The following LRRTM4 variants were observed in gnomAD, a reference collection of about 807,000 sequenced individuals.
The protein encoded by LRRTM4 is leucine-rich repeat transmembrane neuronal protein 4.
Under a neutral mutation model 47.6 loss-of-function variants are expected in LRRTM4, and 25 were observed. The ratio of observed to expected loss-of-function variants is 0.53; its 90% CI spans 0.38 to 0.73. The LOEUF is 0.73. LRRTM4 is among the 30% of genes least tolerant of loss of function. The probability of loss-of-function intolerance (pLI) is 0.00; values close to 1 mark genes in which losing one functional copy is unlikely to be tolerated. For missense variants in LRRTM4, 638 were observed against 713.4 expected (o/e 0.89, Z 1.20); for synonymous variants, 311 against 269.5 (o/e 1.15, Z -1.51).
intron 3 of LRRTM4, among the ~76,000 whole-genome samples, chr2:76,865,502 AT>A (rs1387014114): frequency 6.6e-6 from 1 of 152,164 alleles, no homozygotes; most frequent in African/African-American, 2.4e-5. Context: ...TATCCTCATC[AT>A]TTTATCAGAG....
chr2:77,132,145 C>T lies in LRRTM4; in HGVS notation c.1552-383229G>A, dbSNP rs191428026. Reference sequence around the variant, plus strand: ...CATGAACTCTTTATTCCTTCCTCAACCCATACAGTCTTTCCAGCCTCTGGT... The same window carrying T: ...CATGAACTCTTTATTCCTTCCTCAATCCATACAGTCTTTCCAGCCTCTGGT... On this transcript the variant is annotated intron_variant, in intron 3 of 3. Transcript: ENST00000409884. 7.9e-4 allele frequency among the ~76,000 whole-genome samples: 121 copies of T among 152,262 alleles called. 4 individuals are homozygous for T. Among genetic ancestry groups the T allele is most frequent in the South Asian group, 7.7e-3 (37 of 4,822 alleles).
intron 3 of LRRTM4, among the ~76,000 whole-genome samples, chr2:77,157,293 G>A (rs1672585607): frequency 6.6e-6 from 1 of 152,072 alleles, no homozygotes; most frequent in Non-Finnish European, 1.5e-5. Flanking sequence ...GTAATTATGA[G>A]GAGGGGAATC....
intron 3 of LRRTM4, among the ~76,000 whole-genome samples, chr2:77,407,718 T>TTATATTA (rs199895931): frequency 7.1e-6 from 1 of 140,042 alleles, no homozygotes; most frequent in East Asian, 2.0e-4. Flanking sequence ...ATATCATATA[T>TTATATTA]TATATTATAT....
intron 3 of LRRTM4, among the ~76,000 whole-genome samples, chr2:77,327,741 C>T (rs1458129027): frequency 6.6e-6 from 1 of 152,012 alleles, no homozygotes; most frequent in African/African-American, 2.4e-5. Context: ...GTGATATTCA[C>T]AGGGTTATCC....
chr2:77,441,840 C>T (rs1416273665), intron 3 of LRRTM4, among the ~76,000 whole-genome samples: 1 of 152,096 alleles, frequency 6.6e-6, no homozygotes. Flanking sequence ...TTCACATTGT[C>T]TTAATCAATA....
At chr2:76,975,999 T>G (rs1478475906) in intron 3 of LRRTM4, among the ~76,000 whole-genome samples, 1 of 151,858 alleles carries the variant, frequency 6.6e-6, no homozygotes, top group African/African-American at 2.4e-5. Flanking sequence ...TTCTTGCTTC[T>G]AATTCTTTGG....
At chr2:76,918,964 G>A (rs943399116) in intron 3 of LRRTM4, among the ~76,000 whole-genome samples, 2 of 152,062 alleles carry the variant, frequency 1.3e-5, no homozygotes, top group Non-Finnish European at 2.9e-5. Context: ...TCCTGGTTAC[G>A]GTTTATTGCA....
At chr2:76,761,644 C>A (rs753416527) in intron 3 of LRRTM4, among the ~76,000 whole-genome samples, 4 of 152,124 alleles carry the variant, frequency 2.6e-5, no homozygotes, top group Non-Finnish European at 4.4e-5. Flanking sequence ...AGTAATAGCC[C>A]ATTCCACTTT....
chr2:77,032,192 T>C (rs10211542), intron 3 of LRRTM4, among the ~76,000 whole-genome samples: 16,911 of 152,058 alleles, frequency 0.11, 2,284 homozygotes, highest in African/African-American at 0.32. Flanking sequence ...CTTTAAAAAC[T>C]GCAGGGCCTT....
intron 3 of LRRTM4, among the ~76,000 whole-genome samples, chr2:77,477,904 AAAGAAAGAAAGAAAGAAAGAAAGAAAG>A (rs1677483295): frequency 2.0e-4 from 1 of 4,920 alleles, no homozygotes; most frequent in Non-Finnish European, 6.2e-4. Flanking sequence ...AAAGAAAGAA[AAAGAAAGAAAGAAAGAAAGAAAGAAAG>A]AAAGAAAGAA....
chr2:76,879,173 A>G (rs144235441), intron 3 of LRRTM4, among the ~76,000 whole-genome samples: 2 of 152,322 alleles, frequency 1.3e-5, no homozygotes, highest in East Asian at 1.9e-4. Flanking sequence ...GAAACTGGCT[A>G]ACATTAAACA....
intron 3 of LRRTM4, among the ~76,000 whole-genome samples, chr2:77,209,151 AT>A (rs562314360): frequency 6.2e-4 from 95 of 152,244 alleles, no homozygotes; most frequent in African/African-American, 2.2e-3. Context: ...GGTTATCAAG[AT>A]TATAAACTCA....
intron 3 of LRRTM4, among the ~76,000 whole-genome samples, chr2:77,072,874 G>A (rs927939886): frequency 1.3e-5 from 2 of 150,424 alleles, no homozygotes; most frequent in African/African-American, 2.5e-5. Flanking sequence ...TCAGTTATTC[G>A]GCTACTTGCG....
chr2:77,424,846 T>A (rs765612637), intron 3 of LRRTM4, among the ~76,000 whole-genome samples: 1 of 152,216 alleles, frequency 6.6e-6, no homozygotes, highest in Non-Finnish European at 1.5e-5. Flanking sequence ...GGGATCCTTA[T>A]AGATGACAAA....
In LRRTM4 at chr2:76,825,214, T is replaced by A. The variant is rs373078316; in HGVS notation, c.1552-76298A>T. ...AAAGAAACATAATCTGCTTTACATT[T>A]CTAAAATAGTCTTCTATATGCTGGG... On this transcript the variant is annotated intron_variant, in intron 3 of 3. Coordinates refer to ENST00000409884, the MANE Select transcript of LRRTM4 (RefSeq NM_001134745.3). Among the ~76,000 whole-genome samples, 53 of 151,760 alleles carry A rather than the reference T, an allele frequency of 3.5e-4. 1 individual carries two copies. The East Asian group carries it at 4.5e-3, about 13-fold the overall frequency.
chr2:77,051,744 C>T (rs1573503486), intron 3 of LRRTM4, among the ~76,000 whole-genome samples: 4 of 152,250 alleles, frequency 2.6e-5, no homozygotes, highest in African/African-American at 9.6e-5. Context: ...TAACTATTTA[C>T]ATAAAGACAA....
At chr2:77,492,871 A>G (rs1364602702) in intron 3 of LRRTM4, among the ~76,000 whole-genome samples, 2 of 152,156 alleles carry the variant, frequency 1.3e-5, no homozygotes, top group Non-Finnish European at 2.9e-5. Context: ...ATATATTTTA[A>G]TGCCCAAATC....
intron 3 of LRRTM4, among the ~76,000 whole-genome samples, chr2:77,323,075 T>A (rs1670601995): frequency 6.6e-6 from 1 of 152,086 alleles, no homozygotes; most frequent in Non-Finnish European, 1.5e-5. Context: ...CAAAAGATGT[T>A]GGCTCCTGGG....
chr2:77,293,651 C>T (rs1211919538), intron 3 of LRRTM4, among the ~76,000 whole-genome samples: 5 of 152,032 alleles, frequency 3.3e-5, no homozygotes, highest in Non-Finnish European at 7.4e-5. Context: ...TGTGATTGTC[C>T]TTTTGGTGCT....
Sources: allele counts gnomAD v4.1 joint callset (sites outside exome capture counted in the v4.1 genomes callset), GRCh38; gene constraint gnomAD v4.1.1; transcripts MANE v1.5; gene names NCBI Gene and HGNC (gene_info 2026-07-23, HGNC 2026-07-21).